FBXL17: variants seen among roughly 807,000 people sequenced by gnomAD.
FBXL17 encodes the protein F-box/LRR-repeat protein 17.
FBXL17 carries 22 observed loss-of-function variants against 66.2 expected under a neutral mutation model. The observed-to-expected ratio is 0.33, with a 90% CI of 0.24 to 0.47. The LOEUF is 0.47. FBXL17 is among the 20% of genes least tolerant of loss of function. The pLI, the probability that FBXL17 is intolerant of heterozygous loss-of-function variation, is 1.00. For synonymous variants in FBXL17, 474 were observed against 400.5 expected (o/e 1.18, Z -2.19); for missense variants, 878 against 948.2 (o/e 0.93, Z 0.97).
chr5:108,000,918 T>A (rs1329454064), intron 7 of FBXL17, among the ~76,000 whole-genome samples: 1 of 152,194 alleles, frequency 6.6e-6, no homozygotes, highest in Non-Finnish European at 1.5e-5. Flanking sequence ...GCTAGTGAAG[T>A]AGAATACAGC....
At chr5:108,218,030 T>C (rs1203838720) in intron 5 of FBXL17, among the ~76,000 whole-genome samples, 2 of 148,176 alleles carry the variant, frequency 1.3e-5, no homozygotes, top group African/African-American at 5.0e-5. Context: ...TTTTTTTTTT[T>C]TTTTTGAGAC....
At chr5:108,288,248 T>G (rs1476357517) in intron 4 of FBXL17, among the ~76,000 whole-genome samples, 2 of 151,338 alleles carry the variant, frequency 1.3e-5, no homozygotes, top group Non-Finnish European at 2.9e-5. Context: ...ACCGCACATG[T>G]ACCCCGAGCC....
intron 4 of FBXL17, among the ~76,000 whole-genome samples, chr5:108,316,863 T>C (rs1759388096): frequency 6.6e-6 from 1 of 151,276 alleles, no homozygotes; most frequent in African/African-American, 2.4e-5. Context: ...ACTGGAAACT[T>C]TGTAAGTTAT....
intron 4 of FBXL17, among the ~76,000 whole-genome samples, chr5:108,321,577 T>C (rs938204182): frequency 2.6e-5 from 4 of 151,894 alleles, no homozygotes; most frequent in Non-Finnish European, 5.9e-5. Context: ...ACATGCCATA[T>C]TGTGAAATTT....
At chr5:108,048,749 G>C (rs10060325) in intron 6 of FBXL17, among the ~76,000 whole-genome samples, 1 of 151,930 alleles carries the variant, frequency 6.6e-6, no homozygotes, top group South Asian at 2.1e-4. Context: ...ATGCAGACAA[G>C]ATTAGAGAAA....
At position 108,141,818 on chromosome 5, in the gene FBXL17, A is replaced by G. The variant is rs563175160; in HGVS notation, c.1745+44299T>C. On this transcript the variant is annotated intron_variant, in intron 6 of 8. Coordinates refer to ENST00000542267, the MANE Select transcript of FBXL17 (RefSeq NM_001163315.3). Reference sequence around the variant, plus strand: ...CCCCAGGCCTGCACTGCTCTCCTCCAGTGTCCACATGGGAAAGTCCCCCTT... The same window carrying G: ...CCCCAGGCCTGCACTGCTCTCCTCCGGTGTCCACATGGGAAAGTCCCCCTT... Among the ~76,000 whole-genome samples the G allele has an allele frequency of 3.9e-5, 6 of 152,248 alleles. No homozygotes were observed. In the South Asian group the frequency reaches 1.2e-3, roughly 32 times the overall value.
chr5:108,347,243 C>G (rs1462748333), intron 4 of FBXL17, among the ~76,000 whole-genome samples: 1 of 152,130 alleles, frequency 6.6e-6, no homozygotes, highest in Non-Finnish European at 1.5e-5. Flanking sequence ...GTAATGAATA[C>G]TGCAGGCAAC....
chr5:108,259,844 A>G (rs1406351548), intron 4 of FBXL17, among the ~76,000 whole-genome samples: 2 of 152,154 alleles, frequency 1.3e-5, no homozygotes, highest in African/African-American at 4.8e-5. Flanking sequence ...TTTTAAATTT[A>G]CCTACTTGGC....
intron 1 of FBXL17, among the ~76,000 whole-genome samples, chr5:108,380,157 T>C (rs149919513): frequency 6.6e-6 from 1 of 152,320 alleles, no homozygotes; most frequent in East Asian, 1.9e-4. Context: ...GAAATCAGTT[T>C]CTTCCTGTAT....
At chr5:108,253,717 G>A (rs532146811) in intron 4 of FBXL17, among the ~76,000 whole-genome samples, 1 of 152,294 alleles carries the variant, frequency 6.6e-6, no homozygotes, top group South Asian at 2.1e-4. Context: ...AGTGGGCTGG[G>A]TGCAGTAGCC....
chr5:108,200,726 A>T (rs1753858180), intron 5 of FBXL17, among the ~76,000 whole-genome samples: 1 of 151,350 alleles, frequency 6.6e-6, no homozygotes. Flanking sequence ...CAATCATCCC[A>T]CTGGGATACA....
intron 5 of FBXL17, among the ~76,000 whole-genome samples, chr5:108,199,063 T>C (rs1350460511): frequency 1.3e-5 from 2 of 152,046 alleles, no homozygotes; most frequent in African/African-American, 4.8e-5. Flanking sequence ...CACCTATGAA[T>C]TCAAAAGCTT....
intron 6 of FBXL17, among the ~76,000 whole-genome samples, chr5:108,125,089 C>G (rs549728213): frequency 8.6e-5 from 13 of 151,620 alleles, no homozygotes; most frequent in Non-Finnish European, 1.6e-4. Context: ...TATCTAGGTA[C>G]CAGAAACTAC....
intron 6 of FBXL17, among the ~76,000 whole-genome samples, chr5:108,053,382 A>G (rs1215739437): frequency 6.6e-6 from 1 of 152,224 alleles, no homozygotes; most frequent in Non-Finnish European, 1.5e-5. Context: ...AAGTGGGCAA[A>G]GGATATGAAC....
chr5:108,380,619 GGGA>G, intron 1 of FBXL17, 77 bp downstream of exon 1: 1 of 921,718 alleles, frequency 1.1e-6, no homozygotes, highest in Non-Finnish European at 1.4e-6. Context: ...CGCGCTTAGG[GGGA>G]GGAGAGAGAA....
At chr5:108,183,375 A>G (rs1295791439) in intron 6 of FBXL17, among the ~76,000 whole-genome samples, 1 of 152,052 alleles carries the variant, frequency 6.6e-6, no homozygotes, top group Non-Finnish European at 1.5e-5. Context: ...TTACCAAGAA[A>G]TTTACTGTAA....
chr5:108,377,418 T>A (rs1040055274), intron 1 of FBXL17, among the ~76,000 whole-genome samples: 1 of 152,244 alleles, frequency 6.6e-6, no homozygotes. Flanking sequence ...GTTCAGTACA[T>A]TTTATCGACA....
At chr5:108,351,290 A>G (rs932861825) in intron 3 of FBXL17, among the ~76,000 whole-genome samples, 4 of 152,330 alleles carry the variant, frequency 2.6e-5, no homozygotes, top group African/African-American at 9.6e-5. Flanking sequence ...AGGAAGTATA[A>G]GTGAGCTAAA....
Position 108,175,643 on chromosome 5 carries a change from T to C in FBXL17, c.1745+10474A>G, listed in dbSNP as rs556085230. On this transcript the variant is annotated intron_variant, in intron 6 of 8. Transcript: ENST00000542267. ...TCAAGCTGAAAGTATTCTGTCATTCTTCATGTCTTCAGGAAACACTTCCCT... is the reference window on the plus strand; with the variant it reads ...TCAAGCTGAAAGTATTCTGTCATTCCTCATGTCTTCAGGAAACACTTCCCT... 2.0e-3 allele frequency among the ~76,000 whole-genome samples: 301 copies of C among 152,338 alleles called. 1 individual carries two copies. Among genetic ancestry groups the C allele is most frequent in the Non-Finnish European group, 3.3e-3 (227 of 68,032 alleles).
Sources: allele counts gnomAD v4.1 joint callset (sites outside exome capture counted in the v4.1 genomes callset), GRCh38; gene constraint gnomAD v4.1.1; transcripts MANE v1.5; gene names NCBI Gene and HGNC (gene_info 2026-07-23, HGNC 2026-07-21).